SSBP3: variants seen among roughly 807,000 people sequenced by gnomAD.
SSBP3 encodes single-stranded DNA-binding protein 3.
In SSBP3, 5 loss-of-function variants were observed where a neutral mutation model predicts 69.6. The observed-to-expected ratio is 0.07, with a 90% confidence interval of 0.04 to 0.15. The LOEUF is 0.15. Ranked by LOEUF, SSBP3 falls within the 10% of genes least tolerant of loss-of-function variation. SSBP3 has a pLI of 1.00. For missense variants in SSBP3, 312 were observed against 534.0 expected (o/e 0.58, Z 4.10); for synonymous variants, 196 against 193.4 (o/e 1.01, Z -0.11).
chr1:54,314,877 G>A (rs1205489462), intron 4 of SSBP3, among the ~76,000 whole-genome samples: 1 of 152,176 alleles, frequency 6.6e-6, no homozygotes, highest in Non-Finnish European at 1.5e-5. Context: ...ACAGGGAGGG[G>A]ATACTTGTTG....
Position 54,227,187 on chromosome 1 carries a change from G to GGA in SSBP3, c.1138-28_1138-27insTC. 2 of 1,145,974 alleles carry GGA rather than the reference G, an allele frequency of 1.7e-6. 1 individual carries two copies. Among genetic ancestry groups the GGA allele is most frequent in the Non-Finnish European group, 2.5e-6 (2 of 791,362 alleles). The allele number at this position is 1,145,974 out of a possible 1,614,324, so 71.0% of individuals were successfully genotyped here. ...TGGAAAGGAGAAGCAGAGAAGGGGG[G>GGA]GGGGTGAGGATTGTGGGGAGGCCGC... is the stretch of plus-strand genomic sequence containing the variant. On this transcript the variant is annotated intron_variant, in intron 17 of 17. Coordinates refer to ENST00000610401, the Ensembl canonical transcript of SSBP3.
intron 4 of SSBP3, among the ~76,000 whole-genome samples, chr1:54,300,786 T>TC (rs1645787346): frequency 1.3e-5 from 2 of 152,254 alleles, no homozygotes; most frequent in Admixed American, 1.3e-4. Flanking sequence ...GGATGGGCTC[T>TC]CAGTGGATAC....
At chr1:54,298,496 T>C (rs867421085) in intron 4 of SSBP3, among the ~76,000 whole-genome samples, 5 of 152,318 alleles carry the variant, frequency 3.3e-5, no homozygotes, top group South Asian at 2.1e-4. Flanking sequence ...TCCTATCTTA[T>C]CAGTGTGCAG....
intron 4 of SSBP3, among the ~76,000 whole-genome samples, chr1:54,391,544 T>G (rs1648497114): frequency 6.6e-6 from 1 of 152,138 alleles, no homozygotes. Flanking sequence ...CTCCCCCCTC[T>G]CCACTGCCTC....
intron 9 of SSBP3, among the ~76,000 whole-genome samples, chr1:54,247,380 T>A (rs1286575629): frequency 6.6e-6 from 1 of 152,202 alleles, no homozygotes; most frequent in Non-Finnish European, 1.5e-5. Flanking sequence ...GTCCCAGCCA[T>A]TTTCTGGGCA....
intron 4 of SSBP3, among the ~76,000 whole-genome samples, chr1:54,320,623 G>C (rs1024860089): frequency 1.3e-5 from 2 of 152,180 alleles, no homozygotes; most frequent in Non-Finnish European, 2.9e-5. Context: ...TCGCCCACCA[G>C]AAAAGTTTTA....
chr1:54,286,470 C>T (rs1231281548), intron 4 of SSBP3: 1 of 152,218 alleles, frequency 6.6e-6, no homozygotes, highest in East Asian at 1.9e-4. Flanking sequence ...GCCAGGGAGA[C>T]TTGTGAAGAG....
chr1:54,275,452 G>A (rs190695436), intron 5 of SSBP3, among the ~76,000 whole-genome samples: 4 of 152,336 alleles, frequency 2.6e-5, no homozygotes, highest in Non-Finnish European at 4.4e-5. Context: ...AGGAATGTCC[G>A]CTCCCTCTGC....
intron 5 of SSBP3, 38 bp downstream of exon 5, chr1:54,281,400 A>C (rs1419321673): frequency 6.6e-7 from 1 of 1,514,386 alleles, no homozygotes. Flanking sequence ...GGCCTGGAAT[A>C]CAAGGTGGAG....
intron 5 of SSBP3, among the ~76,000 whole-genome samples, chr1:54,264,677 CG>C (rs1401888925): frequency 6.6e-6 from 1 of 152,206 alleles, no homozygotes; most frequent in Non-Finnish European, 1.5e-5. Context: ...GATTCTCTCA[CG>C]GGTCACGAAA....
chr1:54,404,119 G>T (rs757405563), intron 3 of SSBP3, among the ~76,000 whole-genome samples: 1 of 152,136 alleles, frequency 6.6e-6, no homozygotes, highest in Non-Finnish European at 1.5e-5. Flanking sequence ...TTCTCAGGGT[G>T]CCTGGAAAAA....
At chr1:54,265,285 T>C (rs1645081484) in intron 5 of SSBP3, among the ~76,000 whole-genome samples, 1 of 152,068 alleles carries the variant, frequency 6.6e-6, no homozygotes, top group South Asian at 2.1e-4. Flanking sequence ...TGGCATGGCT[T>C]GGAGAGGGGT....
At chr1:54,254,901 C>T (rs1323660314) in intron 7 of SSBP3, among the ~76,000 whole-genome samples, 2 of 152,074 alleles carry the variant, frequency 1.3e-5, no homozygotes, top group Non-Finnish European at 2.9e-5. Flanking sequence ...GGCGCAATCT[C>T]GGCTCACTGC....
At chr1:54,229,454 GA>G (rs1644344615) in intron 14 of SSBP3, among the ~76,000 whole-genome samples, 1 of 152,164 alleles carries the variant, frequency 6.6e-6, no homozygotes, top group South Asian at 2.1e-4. Flanking sequence ...GTGGGGAAGA[GA>G]GAGCTAGGGC....
At chr1:54,327,290 A>C (rs1003301265) in intron 4 of SSBP3, among the ~76,000 whole-genome samples, 2 of 151,258 alleles carry the variant, frequency 1.3e-5, no homozygotes, top group Non-Finnish European at 2.9e-5. Context: ...CAAGAACAAC[A>C]ACAAAAAACC....
chr1:54,310,508 AAG>A (rs1645982282), intron 4 of SSBP3, among the ~76,000 whole-genome samples: 1 of 152,158 alleles, frequency 6.6e-6, no homozygotes, highest in African/African-American at 2.4e-5. Context: ...TTGAGCTACA[AAG>A]AGAAGAAAGT....
At chr1:54,254,991 C>T (rs1334773948) in intron 7 of SSBP3, among the ~76,000 whole-genome samples, 1 of 152,130 alleles carries the variant, frequency 6.6e-6, no homozygotes, top group Non-Finnish European at 1.5e-5. Flanking sequence ...CGCCAGCATG[C>T]CTGGCTAATT....
chr1:54,320,381 G>A (rs943695833), intron 4 of SSBP3, among the ~76,000 whole-genome samples: 4 of 152,102 alleles, frequency 2.6e-5, no homozygotes, highest in African/African-American at 4.8e-5. Flanking sequence ...GCAATGACGC[G>A]ATCTTGGCTC....
intron 4 of SSBP3, among the ~76,000 whole-genome samples, chr1:54,301,396 G>C (rs951515069): frequency 1.3e-5 from 2 of 152,124 alleles, no homozygotes; most frequent in Non-Finnish European, 2.9e-5. Context: ...CACTCATCCG[G>C]ACTGTGCTGT....
Sources: gnomAD v4.1 joint callset for allele counts (sites outside exome capture counted in the v4.1 genomes callset) on GRCh38, gnomAD v4.1.1 for gene constraint, MANE v1.5 for transcripts, NCBI Gene and HGNC (gene_info 2026-07-23, HGNC 2026-07-21) for gene names.